TASOR: variants seen among roughly 807,000 people sequenced by gnomAD.
TASOR encodes transcription activation suppressor, also known as protein TASOR.
In TASOR, 53 loss-of-function variants were observed where a neutral mutation model predicts 178.6. The ratio of observed to expected loss-of-function variants is 0.30; its 90% CI spans 0.24 to 0.37. The LOEUF (loss-of-function observed/expected upper bound fraction) is 0.37, where lower values mean the gene tolerates loss of function less well. Ranked by LOEUF, TASOR falls within the 10% of genes least tolerant of loss-of-function variation. The pLI is 1.00. For synonymous variants in TASOR, 713 were observed against 696.2 expected (o/e 1.02, Z -0.38); for missense variants, 1,815 against 1,971.4 (o/e 0.92, Z 1.50).
At chr3:56,642,134 C>A (rs184121174) in intron 14 of TASOR, among the ~76,000 whole-genome samples, 1 of 152,268 alleles carries the variant, frequency 6.6e-6, no homozygotes, top group Admixed American at 6.5e-5. Context: ...TTACACTAGG[C>A]TACTAAAAAA....
chr3:56,667,333 G>A (rs941241486), intron 6 of TASOR, among the ~76,000 whole-genome samples: 1 of 152,050 alleles, frequency 6.6e-6, no homozygotes, highest in African/African-American at 2.4e-5. Context: ...CAGTCTATTT[G>A]GTTATAGACA....
chr3:56,646,293 T>C (rs1578229673), intron 14 of TASOR, among the ~76,000 whole-genome samples: 1 of 152,258 alleles, frequency 6.6e-6, no homozygotes, highest in East Asian at 1.9e-4. Context: ...GCAAATATTT[T>C]AGGCTTTGTG....
Position 56,683,038 on chromosome 3 carries a change from T to C in TASOR, c.-32A>G, listed in dbSNP as rs1465331996. The C allele has an allele frequency of 2.7e-6, 4 of 1,491,266 alleles. No individual in the cohort carries two copies. Among genetic ancestry groups the C allele is most frequent in the Admixed American group, 4.6e-5 (2 of 43,208 alleles). The allele number at this position is 1,491,266 out of a possible 1,614,324, so 92.4% of individuals were successfully genotyped here. ...GGCCTAAGGAGCTCTGGGAAGCTTCTGCCCACAAGGTCGACGGGTGTGGGG... is the reference window on the plus strand; with the variant it reads ...GGCCTAAGGAGCTCTGGGAAGCTTCCGCCCACAAGGTCGACGGGTGTGGGG... On this transcript the variant is annotated 5_prime_UTR_variant, in exon 1 of 24. Coordinates refer to ENST00000683822, the MANE Select transcript of TASOR (RefSeq NM_001365635.2).
intron 1 of TASOR, among the ~76,000 whole-genome samples, chr3:56,675,939 CA>C (rs775543447): frequency 6.6e-6 from 1 of 152,066 alleles, no homozygotes; most frequent in Non-Finnish European, 1.5e-5. Flanking sequence ...TTCAATGGCA[CA>C]ATGTGTACAA....
intron 1 of TASOR, among the ~76,000 whole-genome samples, chr3:56,681,651 A>G (rs1578316381): frequency 1.3e-5 from 2 of 152,212 alleles, no homozygotes; most frequent in African/African-American, 2.4e-5. Context: ...ATTTTTTTCC[A>G]AAGTAAATAA....
At position 56,628,929 on chromosome 3, in the gene TASOR, ATTTTTTTT is replaced by A. The variant is rs58944810; in HGVS notation, c.3748-323_3748-316del. The A allele has an allele frequency of 4.5e-3, 553 of 122,270 alleles. 5 individuals carry two copies. Among genetic ancestry groups the A allele is most frequent in the East Asian group, 0.036 (152 of 4,178 alleles). The allele number at this position is 122,270 out of a possible 1,614,324, so 7.6% of individuals were successfully genotyped here. On this transcript the variant is annotated intron_variant, in intron 18 of 23. Transcript: ENST00000683822. Reference sequence around the variant, plus strand: ...AGGCTCGCACCACCATACCAGGCTAATTTTTTTTTTTTTTTTTTTTTTTGTAAGAGACA... The same window carrying A: ...AGGCTCGCACCACCATACCAGGCTAATTTTTTTTTTTTTTTGTAAGAGACA...
intron 11 of TASOR, among the ~76,000 whole-genome samples, chr3:56,658,304 A>G (rs751938019): frequency 6.6e-6 from 1 of 152,190 alleles, no homozygotes; most frequent in Non-Finnish European, 1.5e-5. Flanking sequence ...AACATAATGT[A>G]ATACTTGGTC....
intron 11 of TASOR, among the ~76,000 whole-genome samples, chr3:56,656,775 G>A (rs2077479105): frequency 6.6e-6 from 1 of 151,932 alleles, no homozygotes; most frequent in South Asian, 2.1e-4. Flanking sequence ...ACTTTGGGAG[G>A]TCGAGGCAGG....
At chr3:56,658,249 A>G (rs1401359682) in intron 11 of TASOR, among the ~76,000 whole-genome samples, 3 of 152,170 alleles carry the variant, frequency 2.0e-5, no homozygotes, top group Admixed American at 2.0e-4. Flanking sequence ...AAGATCTAGG[A>G]TTTTACTTTA....
At position 56,674,201 on chromosome 3, in the gene TASOR, T is replaced by TAAA. The variant is rs11348732; in HGVS notation, c.332-479_332-477dup. On this transcript the variant is annotated intron_variant, in intron 1 of 23. Transcript: ENST00000683822. ...TTACTGACACACTGGTCTTTAAGTTTAAAAAAAAAAAAAAAAAAAAAAAGC... is the reference window on the plus strand; with the variant it reads ...TTACTGACACACTGGTCTTTAAGTTTAAAAAAAAAAAAAAAAAAAAAAAAAAGC... Among the ~76,000 whole-genome samples the TAAA allele has an allele frequency of 4.5e-3, 507 of 111,794 alleles. 3 individuals are homozygous for TAAA. Among genetic ancestry groups the TAAA allele is most frequent in the African/African-American group, 0.014 (402 of 28,942 alleles). 73.3% of individuals were successfully genotyped at this position (111,794 alleles called of 152,430 possible). A position where few individuals can be genotyped will look rare whatever the true frequency, so the allele number is the denominator to read the frequency against.
intron 1 of TASOR, among the ~76,000 whole-genome samples, chr3:56,681,685 G>A (rs777546291): frequency 2.0e-5 from 3 of 152,212 alleles, no homozygotes; most frequent in Non-Finnish European, 2.9e-5. Context: ...ATACAGTAGG[G>A]CAAAAAGGAA....
At chr3:56,644,440 C>T (rs1438522401) in intron 14 of TASOR, among the ~76,000 whole-genome samples, 2 of 151,872 alleles carry the variant, frequency 1.3e-5, no homozygotes, top group African/African-American at 4.8e-5. Flanking sequence ...AGAATATGAA[C>T]TGCAAAGATA....
At chr3:56,678,674 A>G (rs2031534709) in intron 1 of TASOR, among the ~76,000 whole-genome samples, 1 of 152,206 alleles carries the variant, frequency 6.6e-6, no homozygotes, top group African/African-American at 2.4e-5. Flanking sequence ...ATATACATAA[A>G]TTTAAAAAAG....
intron 18 of TASOR, chr3:56,628,834 C>A: frequency 3.1e-6 from 1 of 325,308 alleles, no homozygotes; most frequent in Non-Finnish European, 5.6e-6. Flanking sequence ...GATCACAGCT[C>A]ACTGCAGCCT....
In TASOR at chr3:56,683,045, A is replaced by C; in HGVS notation, c.-39T>G. ...GGAGCTCTGGGAAGCTTCTGCCCAC[A>C]AGGTCGACGGGTGTGGGGGGAAGGG... is the stretch of plus-strand genomic sequence containing the variant. On this transcript the variant is annotated 5_prime_UTR_variant, in exon 1 of 24. Transcript: ENST00000683822. 2 of 1,477,678 alleles carry C rather than the reference A, an allele frequency of 1.4e-6. No individual in the cohort carries two copies. The highest frequency in any genetic ancestry group is 1.8e-6 in the Non-Finnish European group (2 of 1,112,090). The allele number at this position is 1,477,678 out of a possible 1,614,324, so 91.5% of individuals were successfully genotyped here. A position where few individuals can be genotyped will look rare whatever the true frequency, so the allele number is the denominator to read the frequency against.
chr3:56,641,809 T>A, intron 14 of TASOR, 57 bp from the exon 15 acceptor site: 1 of 1,487,268 alleles, frequency 6.7e-7, no homozygotes, highest in Non-Finnish European at 9.0e-7. Flanking sequence ...ATAAAACTTT[T>A]AAAATCAAAT....
intron 5 of TASOR, 72 bp from the exon 6 acceptor site, chr3:56,668,630 A>AAG: frequency 9.1e-7 from 1 of 1,093,666 alleles, no homozygotes; most frequent in Non-Finnish European, 1.3e-6. Flanking sequence ...ATATTATGAA[A>AAG]TACTTCTTTG....
chr3:56,668,673 C>CT, intron 5 of TASOR, 115 bp from the exon 6 acceptor site: 1 of 810,832 alleles, frequency 1.2e-6, no homozygotes. Context: ...CATTTTTTCC[C>CT]TTTAATATCT....
At position 56,648,976 on chromosome 3, in the gene TASOR, A is replaced by T; in HGVS notation, c.1441+9T>A. 1 of 1,603,630 alleles carries T rather than the reference A, an allele frequency of 6.2e-7. No individual in the cohort carries two copies. The highest frequency in any genetic ancestry group is 8.5e-7 in the Non-Finnish European group (1 of 1,176,310). On this transcript the variant is annotated intron_variant, in intron 12 of 23. Coordinates refer to ENST00000683822, the MANE Select transcript of TASOR (RefSeq NM_001365635.2). ...AATTGTAAAAATTTATTAAAGAGAGACCACCTACCATATGGAGGAACCATC... is the reference window on the plus strand; with the variant it reads ...AATTGTAAAAATTTATTAAAGAGAGTCCACCTACCATATGGAGGAACCATC...
Sources: allele counts gnomAD v4.1 joint callset (sites outside exome capture counted in the v4.1 genomes callset), GRCh38; gene constraint gnomAD v4.1.1; transcripts MANE v1.5; gene names NCBI Gene and HGNC (gene_info 2026-07-23, HGNC 2026-07-21).